GOLGA2: variants seen among roughly 807,000 people sequenced by gnomAD.
GOLGA2 encodes the protein golgin A2.
Under a neutral mutation model 148.8 loss-of-function variants are expected in GOLGA2, and 49 were observed. The observed-to-expected ratio is 0.33, with a 90% CI of 0.26 to 0.42. GOLGA2 has a LOEUF of 0.42. Among genes scored for constraint, GOLGA2 ranks in the 10% least tolerant of loss-of-function variants. The pLI is 1.00. For synonymous variants in GOLGA2, 501 were observed against 511.8 expected (o/e 0.98, Z 0.28); for missense variants, 1,178 against 1,304.6 (o/e 0.90, Z 1.49).
chr9:128,262,044 T>C (rs895455771), intron 14 of GOLGA2: 3 of 394,130 alleles, frequency 7.6e-6, no homozygotes, highest in Non-Finnish European at 1.4e-5. Flanking sequence ...TATCTACAAA[T>C]ACAAAAATTA....
intron 3 of GOLGA2, among the ~76,000 whole-genome samples, chr9:128,270,129 A>ATTTTT (rs776425049): frequency 1.2e-4 from 14 of 115,144 alleles, no homozygotes; most frequent in Middle Eastern, 5.1e-3. Flanking sequence ...GAGGAAGGGA[A>ATTTTT]TTTTTTTTTT....
At position 128,258,394 on chromosome 9, in the gene GOLGA2, G is replaced by A; in HGVS notation, c.2289+61C>T. On this transcript the variant is annotated intron_variant, in intron 22 of 26. Coordinates refer to ENST00000611957, the MANE Select transcript of GOLGA2 (RefSeq NM_001366244.2). This position sits in a 1 kb window ranked among gnomAD's most constrained non-coding sequence, Gnocchi z 6.6. The stretch of plus-strand genomic sequence containing the variant: ...AAGGCCGGGAAACCAAGAGCAGAAG[G>A]GGGTCTGGGAGGGACCACAGAGGGA... 1 of 1,430,480 alleles carries A rather than the reference G, an allele frequency of 7.0e-7. No individual in the cohort carries two copies. The highest frequency in any genetic ancestry group is 9.8e-7 in the Non-Finnish European group (1 of 1,015,416). The allele number at this position is 1,430,480 out of a possible 1,614,324, so 88.6% of individuals were successfully genotyped here.
At chr9:128,275,354 T>A in intron 1 of GOLGA2, 1 of 1,234,870 alleles carries the variant, frequency 8.1e-7, no homozygotes, top group Non-Finnish European at 1.0e-6. Context: ...GTGACGTCAC[T>A]ACATTCCACT....
chr9:128,267,636 C>T (rs759565430), intron 6 of GOLGA2, 119 bp from the exon 7 acceptor site: 182 of 782,626 alleles, frequency 2.3e-4, no homozygotes, highest in Non-Finnish European at 3.6e-4. Flanking sequence ...CCCTCTGTCC[C>T]GTAACCCCTT....
At position 128,256,998 on chromosome 9, in the gene GOLGA2, T is replaced by C; in HGVS notation, c.*69A>G. 8.8e-7 allele frequency: 1 copy of C among 1,136,616 alleles called. No homozygotes were observed. The highest frequency in any genetic ancestry group is 1.4e-5 in the South Asian group (1 of 72,998). 70.4% of individuals were successfully genotyped at this position (1,136,616 alleles called of 1,614,324 possible). Reference sequence around the variant, plus strand: ...GGGTAAAGGGTTGACTGAGAAGGGATGGTAGGGATATGGTGGGGGCAGGGT... The same window carrying C: ...GGGTAAAGGGTTGACTGAGAAGGGACGGTAGGGATATGGTGGGGGCAGGGT... On this transcript the variant is annotated 3_prime_UTR_variant, in exon 27 of 27. Transcript: ENST00000611957.
intron 13 of GOLGA2, 80 bp from the exon 14 acceptor site, chr9:128,262,784 C>T (rs759053625): frequency 7.5e-7 from 1 of 1,340,756 alleles, no homozygotes. Context: ...TACCCTTGCC[C>T]CACAACCACA....
In GOLGA2 at chr9:128,272,798, A is replaced by C. The variant is rs1181965328; in HGVS notation, c.275T>G (p.Leu92Trp). 1.6e-6 allele frequency: 2 copies of C among 1,263,786 alleles called. No homozygotes were observed. The highest frequency in any genetic ancestry group is 2.5e-5 in the South Asian group (2 of 80,048). 78.3% of individuals were successfully genotyped at this position (1,263,786 alleles called of 1,614,324 possible). ...GCACTGCCTCACCTTCCACTTGTCCAATGGGGGGAGCGCTACCCCATTGGA... is the reference window on the plus strand; with the variant it reads ...GCACTGCCTCACCTTCCACTTGTCCCATGGGGGGAGCGCTACCCCATTGGA... ...NRSNGVALPP[L>W]DKWKTPKDNA... Residue 92 changes from leucine to tryptophan, a missense_variant, in exon 3 of 27, where the codon TTG becomes TGG. Leu to Trp is a moderately conservative substitution (Grantham distance 61, BLOSUM62 -2). Transcript: ENST00000611957.
In GOLGA2 at chr9:128,257,535, G is replaced by A; in HGVS notation, c.2719-10C>T. On this transcript the variant is annotated splice_polypyrimidine_tract_variant and intron_variant, in intron 25 of 26. Transcript: ENST00000611957. The surrounding 1 kb of genome is among the most constrained non-coding windows in gnomAD (Gnocchi z 8.0). ...GCTCCAGCAGCTTCACCTGGAGGGA[G>A]GGGTGCTAAGCTGCCATGCCCATGC... is the stretch of plus-strand genomic sequence containing the variant. The A allele has an allele frequency of 6.2e-7, 1 of 1,614,034 alleles. No homozygotes were observed. Among genetic ancestry groups the A allele is most frequent in the Non-Finnish European group, 8.5e-7 (1 of 1,180,022 alleles).
chr9:128,257,276 A>C lies in GOLGA2; in HGVS notation c.2881T>G (p.Cys961Gly). ...LGAANQQGDL[C>G]EVSLAGSVEP... is the part of the protein sequence containing the mutation. ...ACACTGCCGGCGAGGCTCACCTCGCAAAGATCTTTGGAGAGAGAGAGGCAG... is the reference window on the plus strand; with the variant it reads ...ACACTGCCGGCGAGGCTCACCTCGCCAAGATCTTTGGAGAGAGAGAGGCAG... The change falls in exon 27 of 27, where the codon TGC becomes GGC. Residue 961 changes from cysteine to glycine, a missense_variant. Transcript: ENST00000611957. The surrounding 1 kb of genome is among the most constrained non-coding windows in gnomAD (Gnocchi z 8.0). 1 of 1,612,950 alleles carries C rather than the reference A, an allele frequency of 6.2e-7. No individual in the cohort carries two copies.
At chr9:128,274,732 A>G (rs1311775104) in intron 1 of GOLGA2, among the ~76,000 whole-genome samples, 1 of 152,220 alleles carries the variant, frequency 6.6e-6, no homozygotes, top group East Asian at 1.9e-4. Context: ...TTCAGAGAAA[A>G]GTCTGGTATA....
chr9:128,272,848 CT>C lies in GOLGA2; in HGVS notation c.224del (p.Lys75ArgfsTer13). 1 of 1,278,080 alleles carries C rather than the reference CT, an allele frequency of 7.8e-7. No homozygotes were observed. The highest frequency in any genetic ancestry group is 1.0e-6 in the Non-Finnish European group (1 of 980,342). 79.2% of individuals were successfully genotyped at this position (1,278,080 alleles called of 1,614,324 possible). On this transcript the variant is annotated frameshift_variant, in exon 3 of 27. Coordinates refer to ENST00000611957, the MANE Select transcript of GOLGA2 (RefSeq NM_001366244.2). ...AACGGTTAAGGTCGGACACCAGCAC[CT>C]TCAGAATGTCCTGAATCTACAGGAG... is the stretch of plus-strand genomic sequence containing the variant. ...HSPEDIQDIL[K>X]VLVSDLNRSN...
chr9:128,258,521 C>CTCCTCCTCCTCCTCCTCA lies in GOLGA2; in HGVS notation c.2205_2222dup (p.Asp735_Glu740dup). 6.7e-7 allele frequency: 1 copy of CTCCTCCTCCTCCTCCTCA among 1,481,664 alleles called. No individual in the cohort carries two copies. Among genetic ancestry groups the CTCCTCCTCCTCCTCCTCA allele is most frequent in the Non-Finnish European group, 9.0e-7 (1 of 1,114,372 alleles). 91.8% of individuals were successfully genotyped at this position (1,481,664 alleles called of 1,614,324 possible). On this transcript the variant is annotated inframe_insertion, in exon 22 of 27. Coordinates refer to ENST00000611957, the MANE Select transcript of GOLGA2 (RefSeq NM_001366244.2). This position sits in a 1 kb window ranked among gnomAD's most constrained non-coding sequence, Gnocchi z 6.6. ...TGGGCTGAGGTACTGCCACCGCCTC[C>CTCCTCCTCCTCCTCCTCA]TCCTCCTCCTCCTCCTCATCCTCCT...
intron 1 of GOLGA2, 81 bp downstream of exon 1, chr9:128,275,812 G>A: frequency 1.3e-6 from 1 of 750,876 alleles, no homozygotes; most frequent in South Asian, 1.8e-5. Context: ...TGCCTCAGGA[G>A]TGGCAGAGAC....
rs771123517 is a variant in GOLGA2 at position 128,258,508 on chromosome 9, C to T, written c.2236G>A (p.Val746Ile). ...GGGATGCTTGGCATGGGCTGAGGTA[C>T]TGCCACCGCCTCCTCCTCCTCCTCC... ...EEEEEEEAVA[V>I]PQPMPSIPED... The change falls in exon 22 of 27, where the codon GTA becomes ATA. Residue 746 changes from valine to isoleucine, a missense_variant. This residue lies in a region of GOLGA2 where 529 missense variants were observed against 521.8 expected (regional missense o/e 1.01). Transcript: ENST00000611957. This position sits in a 1 kb window ranked among gnomAD's most constrained non-coding sequence, Gnocchi z 6.6. The T allele has an allele frequency of 6.9e-6, 11 of 1,600,252 alleles. No homozygotes were observed. Among genetic ancestry groups the T allele is most frequent in the South Asian group, 4.5e-5 (4 of 89,840 alleles).
At chr9:128,264,414 T>C (rs1009558267) in intron 12 of GOLGA2, among the ~76,000 whole-genome samples, 1 of 88,404 alleles carries the variant, frequency 1.1e-5, no homozygotes, top group African/African-American at 3.7e-5. Context: ...TTTGTTATTA[T>C]TTATTTATTT....
chr9:128,259,946 AGTCACAGGACT>A lies in GOLGA2; in HGVS notation c.1872+119_1872+129del, dbSNP rs1323924236. The A allele has an allele frequency of 5.6e-6, 4 of 710,642 alleles. No homozygotes were observed. In the East Asian group the frequency reaches 1.0e-4, roughly 18 times the overall value. The allele number at this position is 710,642 out of a possible 1,614,324, so 44.0% of individuals were successfully genotyped here. On this transcript the variant is annotated intron_variant, in intron 19 of 26. Transcript: ENST00000611957. ...AGTCAGAGGGCAGGGAGCAAGAAAC[AGTCACAGGACT>A]GCCCTGGAGGGTGCTGGGGTCACCT...
In GOLGA2 at chr9:128,260,884, C is replaced by T. The variant is rs1588480409; in HGVS notation, c.1421-82G>A. The T allele has an allele frequency of 1.0e-6, 1 of 984,066 alleles. No homozygotes were observed. Among genetic ancestry groups the T allele is most frequent in the East Asian group, 2.5e-5 (1 of 39,256 alleles). 61.0% of individuals were successfully genotyped at this position (984,066 alleles called of 1,614,324 possible). ...GGTCCATACCTCCTCTCAAGCTCCC[C>T]AAACTTGGCCTCCCTGCTGATGATT... On this transcript the variant is annotated intron_variant, in intron 17 of 26. Transcript: ENST00000611957. This position sits in a 1 kb window ranked among gnomAD's most constrained non-coding sequence, Gnocchi z 4.8.
chr9:128,269,530 T>C (rs1478239947), intron 3 of GOLGA2, among the ~76,000 whole-genome samples: 2 of 152,166 alleles, frequency 1.3e-5, no homozygotes, highest in African/African-American at 4.8e-5. Context: ...CTTGGGGTCA[T>C]GTGGAGCCTC....
rs1419636304 is a variant in GOLGA2, at chr9:128,260,127, C to T, written c.1821G>A (p.Leu607=). Residue 607 remains leucine (L), a synonymous_variant, in exon 19 of 27, where the codon CTG becomes CTA. Transcript: ENST00000611957. The surrounding 1 kb of genome is among the most constrained non-coding windows in gnomAD (Gnocchi z 4.8). ...LQSEQHVKRE[L]GKKLGELQEK... The stretch of plus-strand genomic sequence containing the variant: ...CCTGCAGCTCGCCCAGCTTCTTTCC[C>T]AGCTCCCTCTTGACGTGCTGCTCCG... The T allele has an allele frequency of 6.2e-7, 1 of 1,611,220 alleles. No homozygotes were observed. The highest frequency in any genetic ancestry group is 8.5e-7 in the Non-Finnish European group (1 of 1,179,894).
Sources: gnomAD v4.1 joint callset for allele counts (sites outside exome capture counted in the v4.1 genomes callset) on GRCh38, gnomAD v4.1.1 for gene constraint, gnomAD v4.1.1 regional missense constraint, Gnocchi (gnomAD v3.1) non-coding constraint, MANE v1.5 for transcripts, NCBI Gene and HGNC (gene_info 2026-07-23, HGNC 2026-07-21) for gene names.